The following DSCAM variants were observed in gnomAD, a reference collection of about 807,000 sequenced individuals.
DSCAM encodes DS cell adhesion molecule.
In DSCAM, 47 loss-of-function variants were observed where a neutral mutation model predicts 217.7. The observed-to-expected ratio is 0.22, with a 90% CI of 0.17 to 0.28. The LOEUF is 0.28. Among genes scored for constraint, DSCAM ranks in the 10% least tolerant of loss-of-function variants. The probability of loss-of-function intolerance (pLI) is 1.00; values close to 1 mark genes in which losing one functional copy is unlikely to be tolerated. For synonymous variants in DSCAM, 1,056 were observed against 1,015.3 expected (o/e 1.04, Z -0.76); for missense variants, 2,080 against 2,618.3 (o/e 0.79, Z 4.49).
At chr21:40,777,719 A>T (rs916284439) in intron 1 of DSCAM, among the ~76,000 whole-genome samples, 1 of 152,206 alleles carries the variant, frequency 6.6e-6, no homozygotes, top group Admixed American at 6.5e-5. Flanking sequence ...ATATAAAAGA[A>T]AATCATTAAA....
chr21:40,721,038 GTT>G (rs2090895708), intron 1 of DSCAM, among the ~76,000 whole-genome samples: 2 of 152,206 alleles, frequency 1.3e-5, no homozygotes, highest in Non-Finnish European at 2.9e-5. Context: ...AATAGTTCAT[GTT>G]TCAACCAGCA....
At chr21:40,587,250 G>A (rs1327105594) in intron 3 of DSCAM, among the ~76,000 whole-genome samples, 1 of 152,046 alleles carries the variant, frequency 6.6e-6, no homozygotes. Flanking sequence ...TTTCTGATGA[G>A]AACACTAGGG....
intron 3 of DSCAM, among the ~76,000 whole-genome samples, chr21:40,385,786 T>C (rs1458445054): frequency 6.6e-6 from 1 of 152,142 alleles, no homozygotes; most frequent in African/African-American, 2.4e-5. Context: ...TCTTCAAAAC[T>C]TTATATATAT....
rs1035446231 is a variant in DSCAM at position 40,828,580 on chromosome 21, C to T, written c.43+18039G>A. The stretch of plus-strand genomic sequence containing the variant: ...CTGCTTACCCATGAGTAGTGGGCTT[C>T]GGTCTCCCGTCAGCCTGTGGAATCA... On this transcript the variant is annotated intron_variant, in intron 1 of 32. Transcript: ENST00000400454. Among the ~76,000 whole-genome samples, 8 of 152,086 alleles carry T rather than the reference C, an allele frequency of 5.3e-5. No individual in the cohort carries two copies. In the South Asian group the frequency reaches 6.2e-4, roughly 12 times the overall value.
intron 1 of DSCAM, among the ~76,000 whole-genome samples, chr21:40,741,842 G>T (rs1365858599): frequency 2.6e-5 from 4 of 152,144 alleles, no homozygotes; most frequent in African/African-American, 9.7e-5. Flanking sequence ...TCCAGATGAG[G>T]TGTTACTTAG....
intron 3 of DSCAM, among the ~76,000 whole-genome samples, chr21:40,558,263 G>A (rs571767387): frequency 2.2e-4 from 34 of 152,038 alleles, no homozygotes; most frequent in Non-Finnish European, 4.1e-4. Flanking sequence ...TGGTTAACAC[G>A]GTGAAACCCC....
Position 40,682,197 on chromosome 21 carries a change from G to A in DSCAM, c.508+10613C>T, listed in dbSNP as rs80183262. The stretch of plus-strand genomic sequence containing the variant: ...TTGTTGGAGGTGGCCAGAGGGATGC[G>A]GGGGAGTGAATAAGCAGGACCAGGA... On this transcript the variant is annotated intron_variant, in intron 3 of 32. Transcript: ENST00000400454. Among the ~76,000 whole-genome samples, 99 of 43,826 alleles carry A rather than the reference G, an allele frequency of 2.3e-3. 1 individual carries two copies. In the South Asian group the frequency reaches 0.074, roughly 33 times the overall value. 28.8% of individuals were successfully genotyped at this position (43,826 alleles called of 152,430 possible). A position where few individuals can be genotyped will look rare whatever the true frequency, so the allele number is the denominator to read the frequency against.
chr21:40,292,845 C>G (rs1432003963), intron 10 of DSCAM, among the ~76,000 whole-genome samples: 1 of 151,998 alleles, frequency 6.6e-6, no homozygotes, highest in African/African-American at 2.4e-5. Context: ...CGGGTTCATG[C>G]CATTCTTAGC....
intron 1 of DSCAM, among the ~76,000 whole-genome samples, chr21:40,802,336 T>C (rs774844690): frequency 7.2e-5 from 11 of 152,206 alleles, no homozygotes; most frequent in Non-Finnish European, 1.0e-4. Context: ...ACCTTGAAAG[T>C]AGACAACCCG....
chr21:40,138,479 TG>T (rs1318022657), intron 18 of DSCAM, among the ~76,000 whole-genome samples: 2 of 126,620 alleles, frequency 1.6e-5, no homozygotes, highest in South Asian at 2.7e-4. Flanking sequence ...TGTGGTGTAT[TG>T]GGGGTGTGTG....
chr21:40,381,006 T>C (rs2075015902), intron 3 of DSCAM, among the ~76,000 whole-genome samples: 1 of 131,950 alleles, frequency 7.6e-6, no homozygotes, highest in Non-Finnish European at 1.5e-5. Context: ...GAGCCTGCAG[T>C]GAGCCGAGAT....
intron 14 of DSCAM, among the ~76,000 whole-genome samples, chr21:40,182,205 G>T (rs1485208841): frequency 6.6e-6 from 1 of 152,138 alleles, no homozygotes; most frequent in Non-Finnish European, 1.5e-5. Flanking sequence ...TAACAATGGA[G>T]AGGTAGCTGG....
At chr21:40,035,984 C>T (rs1424166644) in intron 32 of DSCAM, among the ~76,000 whole-genome samples, 2 of 145,588 alleles carry the variant, frequency 1.4e-5, no homozygotes, top group Non-Finnish European at 3.0e-5. Context: ...AAAGACACAA[C>T]ATACCAGAAT....
In DSCAM at chr21:40,430,764, C is replaced by T. The variant is rs116268681; in HGVS notation, c.509-61519G>A. Reference sequence around the variant, plus strand: ...TCCTGTGTAGCTTTACTGCCGGCTTCGCCTCTTTGGGCCTCATTGTCACAA... The same window carrying T: ...TCCTGTGTAGCTTTACTGCCGGCTTTGCCTCTTTGGGCCTCATTGTCACAA... On this transcript the variant is annotated intron_variant, in intron 3 of 32. Coordinates refer to ENST00000400454, the MANE Select transcript of DSCAM (RefSeq NM_001389.5). Among the ~76,000 whole-genome samples the T allele has an allele frequency of 6.2e-3, 948 of 152,322 alleles. 13 individuals are homozygous for T. Among genetic ancestry groups the T allele is most frequent in the African/African-American group, 0.021 (886 of 41,578 alleles).
At chr21:40,341,671 G>A (rs915397499) in intron 6 of DSCAM, among the ~76,000 whole-genome samples, 5 of 152,132 alleles carry the variant, frequency 3.3e-5, no homozygotes, top group African/African-American at 1.2e-4. Flanking sequence ...GAGCTTAGAA[G>A]AAACATAATA....
intron 1 of DSCAM, among the ~76,000 whole-genome samples, chr21:40,730,612 G>A (rs2091002064): frequency 6.6e-6 from 1 of 152,082 alleles, no homozygotes; most frequent in Non-Finnish European, 1.5e-5. Context: ...AGGGCCACAA[G>A]CCTGGCACGC....
chr21:40,573,479 T>A (rs388806), intron 3 of DSCAM, among the ~76,000 whole-genome samples: 3 of 152,076 alleles, frequency 2.0e-5, no homozygotes, highest in Non-Finnish European at 2.9e-5. Context: ...ATATTTTGAA[T>A]TGAATGAAAA....
At chr21:40,319,427 T>C (rs906150219) in intron 8 of DSCAM, among the ~76,000 whole-genome samples, 3 of 150,062 alleles carry the variant, frequency 2.0e-5, no homozygotes, top group African/African-American at 7.5e-5. Context: ...TAAATAATGT[T>C]CGTGTGTGCA....
intron 1 of DSCAM, among the ~76,000 whole-genome samples, chr21:40,799,126 A>T (rs981505885): frequency 2.6e-5 from 4 of 152,106 alleles, no homozygotes; most frequent in African/African-American, 9.7e-5. Flanking sequence ...AGAAAATTTT[A>T]TTTTTTTAAT....
Sources: allele counts gnomAD v4.1 joint callset (sites outside exome capture counted in the v4.1 genomes callset), GRCh38; gene constraint gnomAD v4.1.1; transcripts MANE v1.5; gene names NCBI Gene and HGNC (gene_info 2026-07-23, HGNC 2026-07-21).